Variants in TPRG1 observed in about 807,000 individuals in gnomAD.
TPRG1 encodes the protein tumor protein p63 regulated 1.
TPRG1 carries 29 observed loss-of-function variants against 29.3 expected under a neutral mutation model. That is an observed-to-expected ratio of 0.99 (90% CI 0.74 to 1.35). The LOEUF is 1.35. TPRG1 is among the 40% of genes most tolerant of loss of function. The probability of loss-of-function intolerance (pLI) is 0.00; values close to 1 mark genes in which losing one functional copy is unlikely to be tolerated. For synonymous variants in TPRG1, 130 were observed against 116.8 expected (o/e 1.11, Z -0.73); for missense variants, 327 against 335.0 (o/e 0.98, Z 0.19).
intron 2 of TPRG1, among the ~76,000 whole-genome samples, chr3:189,004,219 T>C (rs1712175267): frequency 6.6e-6 from 1 of 152,098 alleles, no homozygotes. Flanking sequence ...TGACACAATT[T>C]ACCTATATAG....
chr3:189,078,040 CT>C (rs1269638247), intron 4 of TPRG1, among the ~76,000 whole-genome samples: 7 of 148,908 alleles, frequency 4.7e-5, no homozygotes, highest in African/African-American at 1.8e-4. Flanking sequence ...TCCTTCCTTC[CT>C]TCCTTCCTTC....
chr3:189,150,976 T>C (rs967585154), intron 5 of TPRG1: 2 of 152,216 alleles, frequency 1.3e-5, no homozygotes, highest in Non-Finnish European at 2.9e-5. Flanking sequence ...TGTTCCCATC[T>C]GTGAAATGAA....
intron 4 of TPRG1, among the ~76,000 whole-genome samples, chr3:189,081,733 CTATATCTTCTCTTCCA>C (rs1717607412): frequency 6.6e-6 from 1 of 152,164 alleles, no homozygotes; most frequent in Non-Finnish European, 1.5e-5. Flanking sequence ...CATACACTTA[CTATATCTTCTCTTCCA>C]TGATTTCTTT....
At chr3:189,233,175 T>C (rs1450949269) in intron 3 of TPRG1, among the ~76,000 whole-genome samples, 1 of 144,344 alleles carries the variant, frequency 6.9e-6, no homozygotes, top group African/African-American at 2.8e-5. Flanking sequence ...TATGTGTGTG[T>C]GTGTGTGTGT....
At chr3:189,265,271 G>A (rs936169428) in intron 4 of TPRG1, among the ~76,000 whole-genome samples, 1 of 152,150 alleles carries the variant, frequency 6.6e-6, no homozygotes, top group African/African-American at 2.4e-5. Flanking sequence ...GAGTGGCATT[G>A]AGCTAGAGTC....
At chr3:189,065,307 A>G (rs962382818) in intron 4 of TPRG1, among the ~76,000 whole-genome samples, 4 of 152,166 alleles carry the variant, frequency 2.6e-5, no homozygotes, top group Non-Finnish European at 5.9e-5. Flanking sequence ...GGAAACACTT[A>G]TTACCTTATT....
intron 1 of TPRG1, among the ~76,000 whole-genome samples, chr3:189,116,866 A>T (rs558643724): frequency 1.3e-5 from 2 of 152,346 alleles, no homozygotes; most frequent in African/African-American, 4.8e-5. Context: ...GTTGTAGAAC[A>T]GTGTGAATGT....
intron 3 of TPRG1, among the ~76,000 whole-genome samples, chr3:189,233,772 C>T (rs1049287846): frequency 2.0e-5 from 3 of 152,004 alleles, no homozygotes; most frequent in Non-Finnish European, 2.9e-5. Flanking sequence ...ATTTAATATG[C>T]GTGGAGGGAG....
intron 5 of TPRG1, among the ~76,000 whole-genome samples, chr3:189,316,221 A>G (rs187471722): frequency 2.0e-5 from 3 of 152,140 alleles, no homozygotes; most frequent in Non-Finnish European, 2.9e-5. Context: ...AAAAGAAGCT[A>G]CTGCCTCTTC....
chr3:189,065,037 A>G (rs937559988), intron 4 of TPRG1, among the ~76,000 whole-genome samples: 38 of 152,138 alleles, frequency 2.5e-4, no homozygotes, highest in Admixed American at 7.2e-4. Flanking sequence ...AAAAGTTTGA[A>G]AATTAGCTGT....
At chr3:189,250,563 T>A (rs1405257984) in intron 4 of TPRG1, among the ~76,000 whole-genome samples, 1 of 123,922 alleles carries the variant, frequency 8.1e-6, no homozygotes, top group Non-Finnish European at 1.6e-5. Context: ...TAGACTAATT[T>A]GATTGTTATC....
intron 3 of TPRG1, among the ~76,000 whole-genome samples, chr3:189,006,304 G>T (rs1467247362): frequency 6.6e-6 from 1 of 152,016 alleles, no homozygotes; most frequent in Non-Finnish European, 1.5e-5. Flanking sequence ...TCTCCCAGGA[G>T]GATGTTCTAA....
intron 1 of TPRG1, among the ~76,000 whole-genome samples, chr3:189,205,421 G>A (rs1378593998): frequency 1.3e-5 from 2 of 152,146 alleles, no homozygotes; most frequent in Non-Finnish European, 2.9e-5. Flanking sequence ...TGACATAATT[G>A]TCAATAGCAC....
intron 3 of TPRG1, among the ~76,000 whole-genome samples, chr3:189,134,403 CTT>C (rs56318082): frequency 0.016 from 1,952 of 120,354 alleles, 10 homozygotes; most frequent in African/African-American, 0.046. Flanking sequence ...TGGGGGTATC[CTT>C]TTTTTTTTTT....
chr3:189,289,541 C>T (rs28394137), intron 4 of TPRG1, among the ~76,000 whole-genome samples: 34,707 of 151,978 alleles, frequency 0.23, 5,162 homozygotes, highest in Non-Finnish European at 0.33. Context: ...ACTACGTAGT[C>T]TTTGAAATGT....
chr3:189,308,307 C>A (rs573531031), intron 4 of TPRG1, among the ~76,000 whole-genome samples: 1 of 152,210 alleles, frequency 6.6e-6, no homozygotes, highest in Non-Finnish European at 1.5e-5. Context: ...TTTTACTCCA[C>A]TCTGTCGCCT....
chr3:189,069,257 A>C (rs559315036), intron 4 of TPRG1, among the ~76,000 whole-genome samples: 1 of 152,194 alleles, frequency 6.6e-6, no homozygotes, highest in African/African-American at 2.4e-5. Flanking sequence ...CAATTCCAGA[A>C]GTTATATTTT....
At chr3:189,168,165 G>A (rs1221995352), upstream of TPRG1, among the ~76,000 whole-genome samples, 2 of 152,142 alleles carry the variant, frequency 1.3e-5, no homozygotes, top group African/African-American at 4.8e-5. Flanking sequence ...AGTCCTATCT[G>A]ATACACAACA....
At position 189,238,803 on chromosome 3, in the gene TPRG1, T is replaced by C; in HGVS notation, c.373T>C (p.Tyr125His). Residue 125 changes from tyrosine to histidine, a missense_variant, in exon 4 of 6, where the codon TAC (tyrosine) becomes CAC (histidine). Tyr to His is a moderately conservative substitution (Grantham distance 83, BLOSUM62 2). Coordinates refer to ENST00000345063, the MANE Select transcript of TPRG1 (RefSeq NM_198485.4). ...AGACAAGACTCTCTTGATCTGCAAA[T>C]ACGACTTCATCATGCTGAGTTGTGT... ...VTDKTLLICKYDFIMLSCVQL... is the reference protein window; with the variant it reads ...VTDKTLLICKHDFIMLSCVQL... 1 of 1,613,810 alleles carries C rather than the reference T, an allele frequency of 6.2e-7. No individual in the cohort carries two copies. The highest frequency in any genetic ancestry group is 8.5e-7 in the Non-Finnish European group (1 of 1,179,762).
Sources: allele counts gnomAD v4.1 joint callset (sites outside exome capture counted in the v4.1 genomes callset), GRCh38; gene constraint gnomAD v4.1.1; transcripts MANE v1.5; gene names NCBI Gene and HGNC (gene_info 2026-07-23, HGNC 2026-07-21).